The following SRRM3 variants were observed in gnomAD, a reference collection of about 807,000 sequenced individuals.
SRRM3 encodes serine/arginine repetitive matrix protein 3.
SRRM3 carries 27 observed loss-of-function variants against 66.2 expected under a neutral mutation model. That is an observed-to-expected ratio of 0.41 (90% CI 0.30 to 0.56). SRRM3 has a LOEUF of 0.56. Among genes scored for constraint, SRRM3 ranks in the 20% least tolerant of loss-of-function variants. SRRM3 has a pLI of 0.32. For missense variants in SRRM3, 918 were observed against 991.9 expected (o/e 0.93, Z 1.00); for synonymous variants, 391 against 414.9 (o/e 0.94, Z 0.70).
At chr7:76,224,386 A>C (rs1057392577) in intron 1 of SRRM3, among the ~76,000 whole-genome samples, 2 of 150,330 alleles carry the variant, frequency 1.3e-5, no homozygotes, top group Non-Finnish European at 3.0e-5. Flanking sequence ...GGCCAAAGAC[A>C]CATCTTTCAA....
chr7:76,202,665 T>C (rs1375233657), intron 1 of SRRM3, among the ~76,000 whole-genome samples: 1 of 151,434 alleles, frequency 6.6e-6, no homozygotes, highest in African/African-American at 2.4e-5. Context: ...TGGGAGGGGG[T>C]TCTCTGTGCA....
intron 1 of SRRM3, among the ~76,000 whole-genome samples, chr7:76,209,163 G>A (rs1194040084): frequency 6.6e-6 from 1 of 152,182 alleles, no homozygotes; most frequent in Non-Finnish European, 1.5e-5. Context: ...CACCCTTTGA[G>A]GGGGTTAGAC....
chr7:76,228,923 G>A (rs2116981684), intron 1 of SRRM3, among the ~76,000 whole-genome samples: 2 of 142,420 alleles, frequency 1.4e-5, no homozygotes, highest in East Asian at 4.2e-4. Flanking sequence ...TTTTGAGACA[G>A]AGTCTCACTC....
chr7:76,233,141 A>G (rs1656626028), intron 1 of SRRM3, among the ~76,000 whole-genome samples: 1 of 152,100 alleles, frequency 6.6e-6, no homozygotes, highest in Non-Finnish European at 1.5e-5. Context: ...TGACTCTACA[A>G]AAAAAAATTC....
At chr7:76,245,065 C>T (rs555531070) in intron 2 of SRRM3, among the ~76,000 whole-genome samples, 136 of 152,360 alleles carry the variant, frequency 8.9e-4, no homozygotes, top group African/African-American at 3.2e-3. Context: ...TTGCTATGGA[C>T]ATGCAAACGC....
chr7:76,283,656 A>G, intron 14 of SRRM3: 2 of 597,760 alleles, frequency 3.3e-6, no homozygotes, highest in South Asian at 3.0e-5. Context: ...TCTCTTTCTC[A>G]CTAACCTGGG....
intron 8 of SRRM3, 69 bp from the exon 9 acceptor site, chr7:76,264,696 C>T: frequency 6.5e-7 from 1 of 1,541,142 alleles, no homozygotes; most frequent in African/African-American, 1.4e-5. Context: ...TGAGTATACC[C>T]AGGCTCCAGG....
chr7:76,257,443 T>TAAA (rs34478728), intron 3 of SRRM3, among the ~76,000 whole-genome samples: 5 of 95,266 alleles, frequency 5.2e-5, no homozygotes, highest in Non-Finnish European at 2.0e-5. Flanking sequence ...CTTGTTCAAT[T>TAAA]AAAAAAAAAA....
intron 14 of SRRM3, chr7:76,283,636 T>C (rs1392135567): frequency 3.8e-6 from 2 of 529,108 alleles, no homozygotes; most frequent in Non-Finnish European, 6.8e-6. Flanking sequence ...GCTGTCCGTC[T>C]GTCTGCCTCT....
intron 2 of SRRM3, among the ~76,000 whole-genome samples, chr7:76,239,513 G>A (rs1294829469): frequency 1.3e-5 from 2 of 151,890 alleles, no homozygotes; most frequent in African/African-American, 4.8e-5. Context: ...GCAACATAGT[G>A]AGCCCCCTGC....
At chr7:76,254,078 C>A (rs1801647414) in intron 3 of SRRM3, among the ~76,000 whole-genome samples, 1 of 152,006 alleles carries the variant, frequency 6.6e-6, no homozygotes, top group Non-Finnish European at 1.5e-5. Flanking sequence ...TGCAGTGACA[C>A]AATCACAGCT....
chr7:76,275,442 C>T (rs6465078), intron 11 of SRRM3, among the ~76,000 whole-genome samples: 120,621 of 149,156 alleles, frequency 0.81, 49,528 homozygotes, highest in African/African-American at 0.95. Flanking sequence ...TGAACCATGA[C>T]TGCACCACTG....
In SRRM3 at chr7:76,267,279, C is replaced by T. The variant is rs1032193611; in HGVS notation, c.852C>T (p.Asp284=). The T allele has an allele frequency of 6.4e-7, 1 of 1,555,228 alleles. No individual in the cohort carries two copies. Residue 284 remains aspartate (D), a synonymous_variant, in exon 11 of 15, where the codon GAC becomes GAT. Coordinates refer to ENST00000611745, the MANE Select transcript of SRRM3 (RefSeq NM_001110199.3). ...SPSRLSPKHR[D]EGRKTGSQRS... ...CCAGGCTGAGCCCCAAGCACCGAGA[C>T]GAAGGGCGAAAGACGGGCAGCCAGC...
intron 14 of SRRM3, among the ~76,000 whole-genome samples, chr7:76,284,201 C>A (rs1802602548): frequency 6.9e-6 from 1 of 145,478 alleles, no homozygotes; most frequent in East Asian, 2.0e-4. Context: ...TAAGACGGAG[C>A]TTTGCTCTTG....
chr7:76,222,507 C>T, intron 1 of SRRM3, among the ~76,000 whole-genome samples: 1 of 151,920 alleles, frequency 6.6e-6, no homozygotes, highest in Admixed American at 6.6e-5. Context: ...CTATTGCCTG[C>T]AGGGTGTGGT....
rs1161739203 is a variant in SRRM3, at chr7:76,282,749, G to T, written c.1472G>T (p.Ser491Ile). ...GGPEGKSSSR[S>I]PGPHPRSWSS... is the part of the protein sequence containing the mutation. ...CCAGAAGGGAAGAGCTCGTCGCGCA[G>T]CCCCGGCCCGCACCCCCGCTCCTGG... The change falls in exon 13 of 15, where the codon AGC becomes ATC. Residue 491 changes from serine to isoleucine, a missense_variant. Physicochemically the swap from Ser to Ile is moderately radical, Grantham distance 142. Coordinates refer to ENST00000611745, the MANE Select transcript of SRRM3 (RefSeq NM_001110199.3). 1.0e-5 allele frequency: 15 copies of T among 1,464,124 alleles called. No individual in the cohort carries two copies. The highest frequency in any genetic ancestry group is 1.3e-5 in the Non-Finnish European group (15 of 1,114,158). 90.7% of individuals were successfully genotyped at this position (1,464,124 alleles called of 1,614,324 possible).
Position 76,267,400 on chromosome 7 carries a change from G to C in SRRM3, c.973G>C (p.Gly325Arg), listed in dbSNP as rs782489650. 23 of 1,396,750 alleles carry C rather than the reference G, an allele frequency of 1.6e-5. No individual in the cohort carries two copies. The highest frequency in any genetic ancestry group is 2.0e-5 in the Non-Finnish European group (22 of 1,081,438). 86.5% of individuals were successfully genotyped at this position (1,396,750 alleles called of 1,614,324 possible). A position where few individuals can be genotyped will look rare whatever the true frequency, so the allele number is the denominator to read the frequency against. The change falls in exon 11 of 15, where the codon GGG (glycine) becomes CGG (arginine). Residue 325 changes from glycine (G) to arginine (R), a missense_variant. Physicochemically the swap from Gly to Arg is moderately radical, Grantham distance 125. Transcript: ENST00000611745. ...CAGCGGGCAGCGGAGCGGAGCGCACGGGGGCCGCCCCGGCTCGGCGCACAG... is the reference window on the plus strand; with the variant it reads ...CAGCGGGCAGCGGAGCGGAGCGCACCGGGGCCGCCCCGGCTCGGCGCACAG... ...GGSGQRSGAH[G>R]GRPGSAHSPP...
chr7:76,238,138 A>G (rs1801193517), intron 2 of SRRM3, among the ~76,000 whole-genome samples: 2 of 152,142 alleles, frequency 1.3e-5, no homozygotes, highest in Non-Finnish European at 2.9e-5. Context: ...TGAGACTCCC[A>G]AATCCAGGCT....
At chr7:76,265,826 A>AT (rs1402005013) in intron 10 of SRRM3, among the ~76,000 whole-genome samples, 1 of 40,256 alleles carries the variant, frequency 2.5e-5, no homozygotes, top group African/African-American at 3.3e-4. Context: ...TTTAATAAAT[A>AT]TTTATATATA....
Sources: gnomAD v4.1 joint callset for allele counts (sites outside exome capture counted in the v4.1 genomes callset) on GRCh38, gnomAD v4.1.1 for gene constraint, MANE v1.5 for transcripts, NCBI Gene and HGNC (gene_info 2026-07-23, HGNC 2026-07-21) for gene names.